DGKB: variants seen among roughly 807,000 people sequenced by gnomAD.
The protein encoded by DGKB is diacylglycerol kinase beta, also known as 90 kDa diacylglycerol kinase.
DGKB carries 67 observed loss-of-function variants against 114.3 expected under a neutral mutation model. The ratio of observed to expected loss-of-function variants is 0.59; its 90% CI spans 0.48 to 0.72. The LOEUF (loss-of-function observed/expected upper bound fraction) is 0.72, where lower values mean the gene tolerates loss of function less well. Among genes scored for constraint, DGKB ranks in the 30% least tolerant of loss-of-function variants. The probability of loss-of-function intolerance (pLI) is 0.00; values close to 1 mark genes in which losing one functional copy is unlikely to be tolerated. For synonymous variants in DGKB, 398 were observed against 323.1 expected, an observed-to-expected ratio of 1.23 and a Z score of -2.49; for missense variants, 907 against 975.2, an observed-to-expected ratio of 0.93 and a Z score of 0.93.
intron 1 of DGKB, among the ~76,000 whole-genome samples, chr7:14,947,297 C>T (rs555276688): frequency 1.2e-4 from 18 of 151,744 alleles, no homozygotes; most frequent in African/African-American, 3.6e-4. Context: ...GCTTGTAAAA[C>T]AAACTTCTTT....
intron 20 of DGKB, among the ~76,000 whole-genome samples, chr7:14,481,322 C>A (rs886726919): frequency 6.6e-6 from 1 of 151,852 alleles, no homozygotes; most frequent in Non-Finnish European, 1.5e-5. Context: ...ATTTGAAAAG[C>A]TGAATATTTT....
At chr7:14,589,097 G>A (rs549883828) in intron 17 of DGKB, among the ~76,000 whole-genome samples, 2 of 151,700 alleles carry the variant, frequency 1.3e-5, no homozygotes. Context: ...CTACTAACAG[G>A]TCTTGCATAT....
chr7:14,751,576 TC>T (rs1834131912), intron 4 of DGKB, among the ~76,000 whole-genome samples: 1 of 152,178 alleles, frequency 6.6e-6, no homozygotes, highest in African/African-American at 2.4e-5. Context: ...CTATTTCTGT[TC>T]CTTGCTAACT....
intron 13 of DGKB, among the ~76,000 whole-genome samples, chr7:14,670,725 A>C (rs1818828632): frequency 6.6e-6 from 1 of 152,050 alleles, no homozygotes; most frequent in Non-Finnish European, 1.5e-5. Context: ...CCCTCTTCAT[A>C]TCTTCAGGGA....
At chr7:14,819,062 T>C (rs1844548955) in intron 2 of DGKB, among the ~76,000 whole-genome samples, 1 of 152,156 alleles carries the variant, frequency 6.6e-6, no homozygotes, top group South Asian at 2.1e-4. Context: ...TTCCACTTCC[T>C]GCTGGTTTTC....
At chr7:14,793,802 TG>T (rs1419313766) in intron 2 of DGKB, among the ~76,000 whole-genome samples, 1 of 152,082 alleles carries the variant, frequency 6.6e-6, no homozygotes, top group Admixed American at 6.6e-5. Flanking sequence ...GGTGTCTCTG[TG>T]GGGGAGTTTT....
intron 20 of DGKB, among the ~76,000 whole-genome samples, chr7:14,537,423 GACATAAAGACAGATCTA>G (rs1792684995): frequency 6.6e-6 from 1 of 152,096 alleles, no homozygotes; most frequent in Admixed American, 6.6e-5. Flanking sequence ...GTCTAGTACT[GACATAAAGACAGATCTA>G]TAGAGCAATG....
intron 25 of DGKB, among the ~76,000 whole-genome samples, chr7:14,160,106 CAA>C (rs1173942607): frequency 2.0e-5 from 3 of 152,072 alleles, no homozygotes; most frequent in African/African-American, 7.2e-5. Flanking sequence ...TATAATCTAT[CAA>C]AAGTCTTTGA....
intron 4 of DGKB, among the ~76,000 whole-genome samples, chr7:14,746,220 G>C (rs949340985): frequency 1.3e-5 from 2 of 152,134 alleles, no homozygotes; most frequent in African/African-American, 4.8e-5. Flanking sequence ...TATTGTCACA[G>C]CTACTTGGGT....
intron 1 of DGKB, among the ~76,000 whole-genome samples, chr7:14,853,644 C>T (rs1562723508): frequency 6.6e-6 from 1 of 151,756 alleles, no homozygotes; most frequent in Non-Finnish European, 1.5e-5. Flanking sequence ...ATGACGTGGT[C>T]AGGACATCGA....
At chr7:14,328,039 C>A (rs1809059412) in intron 23 of DGKB, among the ~76,000 whole-genome samples, 1 of 152,074 alleles carries the variant, frequency 6.6e-6, no homozygotes, top group Non-Finnish European at 1.5e-5. Flanking sequence ...GACGTTTTAT[C>A]ACAAATTCCA....
chr7:14,769,125 G>GAAAGAAAGAA lies in DGKB; in HGVS notation c.71-11395_71-11394insTTCTTTCTTT, dbSNP rs879425687. On this transcript the variant is annotated intron_variant, in intron 2 of 25. Transcript: ENST00000402815. ...AGAAAGAAAGAAAGAAAGAAAGAAA[G>GAAAGAAAGAA]AGAGAGAGAGAAAGAAAGAAAGAAA... 5.4e-4 allele frequency among the ~76,000 whole-genome samples: 45 copies of GAAAGAAAGAA among 83,792 alleles called. 1 individual carries two copies. Among genetic ancestry groups the GAAAGAAAGAA allele is most frequent in the Non-Finnish European group, 7.8e-4 (38 of 48,636 alleles). 55.0% of individuals were successfully genotyped at this position (83,792 alleles called of 152,430 possible). A position where few individuals can be genotyped will look rare whatever the true frequency, so the allele number is the denominator to read the frequency against.
intron 1 of DGKB, among the ~76,000 whole-genome samples, chr7:14,930,309 G>A (rs1322234352): frequency 2.6e-5 from 4 of 152,056 alleles, no homozygotes; most frequent in African/African-American, 7.2e-5. Flanking sequence ...AGACAGAGTG[G>A]TCATTTGAAT....
chr7:14,380,462 T>G (rs964858141), intron 21 of DGKB, among the ~76,000 whole-genome samples: 3 of 152,104 alleles, frequency 2.0e-5, no homozygotes, highest in African/African-American at 7.2e-5. Flanking sequence ...ATTGTTTTAC[T>G]GTTTTGGCAA....
chr7:14,284,141 C>T (rs1239913698), intron 23 of DGKB, among the ~76,000 whole-genome samples: 5 of 151,970 alleles, frequency 3.3e-5, no homozygotes, highest in African/African-American at 7.3e-5. Context: ...TATCCAGAAT[C>T]TACAATGAAC....
chr7:14,681,272 A>T (rs1233153065), intron 12 of DGKB, among the ~76,000 whole-genome samples: 1 of 152,156 alleles, frequency 6.6e-6, no homozygotes, highest in Non-Finnish European at 1.5e-5. Context: ...TTAAAAAACT[A>T]TCTTTCATAA....
chr7:14,461,688 T>G (rs539783349), intron 21 of DGKB, among the ~76,000 whole-genome samples: 98 of 152,256 alleles, frequency 6.4e-4, no homozygotes, highest in African/African-American at 2.1e-3. Context: ...GAAGAGGAGT[T>G]GGTATCATGC....
At chr7:14,341,188 T>A (rs1161263098) in intron 22 of DGKB, among the ~76,000 whole-genome samples, 8 of 151,874 alleles carry the variant, frequency 5.3e-5, no homozygotes, top group Non-Finnish European at 1.0e-4. Context: ...AGAACATTGA[T>A]GTTCCTTTGA....
At chr7:14,346,766 T>C (rs2128595598) in intron 21 of DGKB, among the ~76,000 whole-genome samples, 1 of 152,106 alleles carries the variant, frequency 6.6e-6, no homozygotes, top group South Asian at 2.1e-4. Context: ...ATTTACACAC[T>C]GAAGTCATGT....
Sources: allele counts gnomAD v4.1 joint callset (sites outside exome capture counted in the v4.1 genomes callset), GRCh38; gene constraint gnomAD v4.1.1; transcripts MANE v1.5; gene names NCBI Gene and HGNC (gene_info 2026-07-23, HGNC 2026-07-21).